FNBP1: variants seen among roughly 807,000 people sequenced by gnomAD.
FNBP1 encodes the protein formin binding protein 1, also known as formin-binding protein 1.
In FNBP1, 26 loss-of-function variants were observed where a neutral mutation model predicts 90.6. The observed-to-expected ratio is 0.29, with a 90% CI of 0.21 to 0.40. The LOEUF is 0.40. Among genes scored for constraint, FNBP1 ranks in the 10% least tolerant of loss-of-function variants. FNBP1 has a pLI of 1.00. For synonymous variants in FNBP1, 260 were observed against 265.2 expected (o/e 0.98, Z 0.19); for missense variants, 635 against 768.0 (o/e 0.83, Z 2.05).
At chr9:129,948,654 T>C (rs1280352207) in intron 6 of FNBP1, among the ~76,000 whole-genome samples, 2 of 152,118 alleles carry the variant, frequency 1.3e-5, no homozygotes, top group African/African-American at 4.8e-5. Context: ...GCGATTCTCC[T>C]GCCTTAGCCT....
At chr9:129,924,197 T>G (rs997623915) in intron 9 of FNBP1, among the ~76,000 whole-genome samples, 171 bp from the exon 10 acceptor site, 4 of 152,138 alleles carry the variant, frequency 2.6e-5, no homozygotes, top group African/African-American at 9.7e-5. Flanking sequence ...ATGAAGAATA[T>G]GATGAGAGTT....
At chr9:130,013,611 T>C (rs1180823198) in intron 1 of FNBP1, 2 of 433,930 alleles carry the variant, frequency 4.6e-6, no homozygotes, top group African/African-American at 4.1e-5. Context: ...AGACAATAAC[T>C]CTTGCTCATG....
chr9:129,960,399 AAAAAGAAAAAGAAAAAG>A (rs1642357752), intron 4 of FNBP1, among the ~76,000 whole-genome samples: 4 of 128,104 alleles, frequency 3.1e-5, no homozygotes, highest in African/African-American at 1.1e-4. Flanking sequence ...AAAAAAAAAA[AAAAAGAAAAAGAAAAAG>A]AAAAAGAAAA....
At chr9:129,975,640 G>A (rs1417477085) in intron 4 of FNBP1, among the ~76,000 whole-genome samples, 3 of 152,044 alleles carry the variant, frequency 2.0e-5, no homozygotes, top group Non-Finnish European at 4.4e-5. Flanking sequence ...GGTGGCTCAC[G>A]CTTGTAATCC....
At chr9:129,901,547 A>C (rs986677306) in intron 13 of FNBP1, among the ~76,000 whole-genome samples, 6 of 151,942 alleles carry the variant, frequency 3.9e-5, no homozygotes, top group Non-Finnish European at 8.8e-5. Context: ...AAAAAAAAGA[A>C]TAATAATAAG....
intron 1 of FNBP1, among the ~76,000 whole-genome samples, chr9:130,020,313 A>G (rs182034934): frequency 2.0e-4 from 31 of 151,864 alleles, no homozygotes; most frequent in Middle Eastern, 3.4e-3. Context: ...GTTTCAAGTG[A>G]TTCTTGTTGC....
At chr9:129,897,232 C>T (rs2035938815) in intron 15 of FNBP1, among the ~76,000 whole-genome samples, 2 of 152,112 alleles carry the variant, frequency 1.3e-5, no homozygotes, top group Admixed American at 1.3e-4. Context: ...TTGTCAATGG[C>T]GGCATCTCTG....
intron 11 of FNBP1, 71 bp from the exon 12 acceptor site, chr9:129,909,070 C>A (rs762517040): frequency 2.3e-5 from 23 of 1,018,760 alleles, no homozygotes; most frequent in South Asian, 1.7e-4. Flanking sequence ...GAAAGCAAAG[C>A]CTGCAGCCAT....
chr9:130,044,320 C>T (rs2060032944), upstream of FNBP1, among the ~76,000 whole-genome samples: 2 of 152,220 alleles, frequency 1.3e-5, no homozygotes, highest in African/African-American at 4.8e-5. Flanking sequence ...TTATCATTCT[C>T]CTCCATTAAA....
chr9:129,930,548 TTA>T (rs1490461475), intron 6 of FNBP1, among the ~76,000 whole-genome samples: 6 of 152,202 alleles, frequency 3.9e-5, no homozygotes, highest in African/African-American at 1.4e-4. Flanking sequence ...GAGTGCTATT[TTA>T]TGTTTTACTG....
At chr9:130,006,207 C>T (rs1034187443) in intron 1 of FNBP1, among the ~76,000 whole-genome samples, 3 of 152,168 alleles carry the variant, frequency 2.0e-5, no homozygotes, top group African/African-American at 4.8e-5. Flanking sequence ...CTTTGGGAGG[C>T]CAAGGCGGGT....
chr9:130,005,168 G>A (rs2055489306), intron 1 of FNBP1, among the ~76,000 whole-genome samples: 1 of 151,286 alleles, frequency 6.6e-6, no homozygotes, highest in Non-Finnish European at 1.5e-5. Flanking sequence ...CCAGGGAGGT[G>A]GAGGTTGCAG....
chr9:130,026,626 C>T (rs1302114717), intron 1 of FNBP1, among the ~76,000 whole-genome samples: 1 of 151,984 alleles, frequency 6.6e-6, no homozygotes, highest in African/African-American at 2.4e-5. Context: ...TTACTGCCTC[C>T]AGAACAGTAA....
intron 13 of FNBP1, 62 bp downstream of exon 13, chr9:129,902,807 C>T: frequency 6.3e-7 from 1 of 1,578,838 alleles, no homozygotes; most frequent in African/African-American, 1.3e-5. Context: ...CCACACCATT[C>T]TACACCGAGG....
chr9:129,964,435 AAAAC>A (rs771970992), intron 4 of FNBP1, among the ~76,000 whole-genome samples: 8 of 152,166 alleles, frequency 5.3e-5, no homozygotes, highest in East Asian at 1.9e-4. Context: ...ATAATAAGCT[AAAAC>A]AAACAAACAA....
rs903559059 is a variant in FNBP1, at chr9:130,026,505, CA to C, written c.24+16446del. Among the ~76,000 whole-genome samples, 63 of 150,602 alleles carry C rather than the reference CA, an allele frequency of 4.2e-4. 2 individuals carry two copies. In the South Asian group the frequency reaches 7.2e-3, roughly 17 times the overall value. On this transcript the variant is annotated intron_variant, in intron 1 of 16. Transcript: ENST00000446176. Reference sequence around the variant, plus strand: ...CGAGACTCTATCTCAAAAAAACAAACAAAAAAAAGATCTTAAAATAAATATT... The same window carrying C: ...CGAGACTCTATCTCAAAAAAACAAACAAAAAAAGATCTTAAAATAAATATT...
intron 2 of FNBP1, among the ~76,000 whole-genome samples, chr9:129,993,976 G>C (rs931807001): frequency 6.6e-6 from 1 of 152,138 alleles, no homozygotes; most frequent in African/African-American, 2.4e-5. Context: ...CATTACAGAA[G>C]GGAGTGTGAA....
At chr9:130,008,055 C>T (rs1299853223) in intron 1 of FNBP1, among the ~76,000 whole-genome samples, 1 of 146,594 alleles carries the variant, frequency 6.8e-6, no homozygotes, top group East Asian at 2.0e-4. Flanking sequence ...AAAAAAACAC[C>T]TAATTTCTGC....
intron 1 of FNBP1, among the ~76,000 whole-genome samples, chr9:130,017,503 T>C (rs1300304817): frequency 1.3e-5 from 2 of 152,206 alleles, no homozygotes; most frequent in Non-Finnish European, 2.9e-5. Flanking sequence ...TAGGCAAATG[T>C]GAATGTAATT....
Sources: gnomAD v4.1 joint callset for allele counts (sites outside exome capture counted in the v4.1 genomes callset) on GRCh38, gnomAD v4.1.1 for gene constraint, MANE v1.5 for transcripts, NCBI Gene and HGNC (gene_info 2026-07-23, HGNC 2026-07-21) for gene names.